Variants in ANKS1A observed in about 807,000 individuals in gnomAD.
ANKS1A encodes the protein ankyrin repeat and sterile alpha motif domain containing 1A.
Under a neutral mutation model 120.3 loss-of-function variants are expected in ANKS1A, and 55 were observed. The observed-to-expected ratio is 0.46, with a 90% CI of 0.37 to 0.57. The LOEUF is 0.57. Among genes scored for constraint, ANKS1A ranks in the 20% least tolerant of loss-of-function variants. The pLI is 0.00. For synonymous variants in ANKS1A, 590 were observed against 604.7 expected (o/e 0.98, Z 0.36); for missense variants, 1,123 against 1,480.3 (o/e 0.76, Z 3.96).
intron 3 of ANKS1A, among the ~76,000 whole-genome samples, chr6:34,979,546 C>G (rs1036197007): frequency 5.9e-5 from 9 of 151,624 alleles, no homozygotes; most frequent in African/African-American, 2.2e-4. Context: ...GTGAGAGCTG[C>G]TTTCATTCTG....
chr6:34,909,142 G>A (rs1767784455), intron 1 of ANKS1A, among the ~76,000 whole-genome samples: 1 of 152,032 alleles, frequency 6.6e-6, no homozygotes, highest in African/African-American at 2.4e-5. Context: ...TTTTGCCTGG[G>A]GACATGTTTC....
At chr6:34,992,744 T>C (rs549048500) in intron 9 of ANKS1A, among the ~76,000 whole-genome samples, 1 of 152,350 alleles carries the variant, frequency 6.6e-6, no homozygotes, top group Non-Finnish European at 1.5e-5. Flanking sequence ...TCCAGGTAGC[T>C]TGCTGTAAGT....
chr6:34,963,371 A>G (rs1770746135), intron 1 of ANKS1A, among the ~76,000 whole-genome samples: 1 of 152,160 alleles, frequency 6.6e-6, no homozygotes, highest in Non-Finnish European at 1.5e-5. Flanking sequence ...GAAATCATAC[A>G]GTATTTGTCT....
intron 11 of ANKS1A, among the ~76,000 whole-genome samples, chr6:35,027,945 G>A (rs576360123): frequency 2.0e-5 from 3 of 149,390 alleles, no homozygotes; most frequent in Non-Finnish European, 4.5e-5. Flanking sequence ...AGTCTCTGGC[G>A]CCACAGGGCC....
At chr6:34,917,062 C>T (rs561501717) in intron 1 of ANKS1A, among the ~76,000 whole-genome samples, 1 of 152,316 alleles carries the variant, frequency 6.6e-6, no homozygotes, top group African/African-American at 2.4e-5. Flanking sequence ...CTGGGCATCT[C>T]TCTTTTGGGG....
intron 1 of ANKS1A, among the ~76,000 whole-genome samples, chr6:34,956,423 G>C (rs1304596102): frequency 6.6e-6 from 1 of 151,732 alleles, no homozygotes; most frequent in African/African-American, 2.4e-5. Flanking sequence ...GCAATCCTTG[G>C]TTGTCACTTG....
In ANKS1A at chr6:35,080,989, C is replaced by T. The variant is rs1318996279; in HGVS notation, c.2545-5C>T. On this transcript the variant is annotated splice_region_variant and splice_polypyrimidine_tract_variant and intron_variant, in intron 16 of 23. Coordinates refer to ENST00000360359, the MANE Select transcript of ANKS1A (RefSeq NM_015245.3). ...CAAGTTCCACCTGGATTTTTCCCTC[C>T]ACAGTGCCAAGATTTGCTCTCCCAG... The T allele has an allele frequency of 2.5e-6, 4 of 1,611,384 alleles. No homozygotes were observed. The East Asian group carries it at 8.9e-5, about 36-fold the overall frequency.
chr6:35,073,430 C>T (rs1001189399), intron 13 of ANKS1A, among the ~76,000 whole-genome samples: 8 of 152,174 alleles, frequency 5.3e-5, no homozygotes, highest in Admixed American at 3.9e-4. Flanking sequence ...GGACACCTGC[C>T]GGCGATATGA....
Position 35,082,165 on chromosome 6 carries a change from C to T in ANKS1A, c.2710-526C>T, listed in dbSNP as rs376265573. On this transcript the variant is annotated intron_variant, in intron 17 of 23. Transcript: ENST00000360359. This position sits in a 1 kb window ranked among gnomAD's most constrained non-coding sequence, Gnocchi z 4.1. Reference sequence around the variant, plus strand: ...CCCTGGACAGGGACCCATGATCTCTCACCTGGACCGCAGTGGCCTCCCCCA... The same window carrying T: ...CCCTGGACAGGGACCCATGATCTCTTACCTGGACCGCAGTGGCCTCCCCCA... 2.6e-5 allele frequency among the ~76,000 whole-genome samples: 4 copies of T among 152,150 alleles called. No individual in the cohort carries two copies. The highest frequency in any genetic ancestry group is 1.9e-4 in the East Asian group (1 of 5,184).
intron 1 of ANKS1A, among the ~76,000 whole-genome samples, chr6:34,952,710 C>CTTTTTTTTTTTTTTTTTTTTTTTT (rs774626309): frequency 7.0e-6 from 1 of 142,288 alleles, no homozygotes. Context: ...TATTTAAGTT[C>CTTTTTTTTTTTTTTTTTTTTTTTT]TTTTTTTTTT....
chr6:34,967,192 T>G (rs2127508431), intron 1 of ANKS1A, 47 bp from the exon 2 acceptor site: 1 of 1,594,624 alleles, frequency 6.3e-7, no homozygotes, highest in Non-Finnish European at 8.6e-7. Context: ...GGTTTGTGAC[T>G]TCGGTCTGTG....
intron 9 of ANKS1A, among the ~76,000 whole-genome samples, chr6:34,991,683 C>CATAT (rs369789989): frequency 2.4e-4 from 7 of 28,604 alleles, no homozygotes; most frequent in African/African-American, 5.5e-4. Context: ...CATATATATA[C>CATAT]ATATATACAC....
At chr6:35,096,751 T>C in the ANKS1A span, among the ~76,000 whole-genome samples, 42 of 152,214 alleles carry the variant, frequency 2.8e-4, no homozygotes, top group African/African-American at 1.0e-3. Flanking sequence ...AGAAATGGAA[T>C]GGGATTCACA....
chr6:35,072,203 TGTGGGTCCTGCA>T (rs1354138473), intron 13 of ANKS1A, among the ~76,000 whole-genome samples: 1 of 152,204 alleles, frequency 6.6e-6, no homozygotes, highest in Non-Finnish European at 1.5e-5. Context: ...AAGAAAGCAG[TGTGGGTCCTGCA>T]GTAGCCCCTG....
intron 20 of ANKS1A, among the ~76,000 whole-genome samples, 195 bp downstream of exon 20, chr6:35,083,698 C>T (rs1190177640): frequency 1.3e-5 from 2 of 152,168 alleles, no homozygotes; most frequent in South Asian, 2.1e-4. Flanking sequence ...CTGTCAGCCC[C>T]GTCCCCGCCC....
rs74438255 is a variant in ANKS1A at position 34,957,849 on chromosome 6, C to T, written c.198-9390C>T. On this transcript the variant is annotated intron_variant, in intron 1 of 23. Coordinates refer to ENST00000360359, the MANE Select transcript of ANKS1A (RefSeq NM_015245.3). ...AGAGTCAGATGTGGAATTTTGTTTC[C>T]GTTCTCATGTAATCAACTATATGAC... Among the ~76,000 whole-genome samples the T allele has an allele frequency of 2.0e-3, 312 of 152,284 alleles. 1 individual carries two copies. The highest frequency in any genetic ancestry group is 7.1e-3 in the African/African-American group (294 of 41,556).
At chr6:35,010,455 A>G (rs1414246803) in intron 10 of ANKS1A, among the ~76,000 whole-genome samples, 1 of 152,196 alleles carries the variant, frequency 6.6e-6, no homozygotes, top group African/African-American at 2.4e-5. Context: ...GGAGAATGGC[A>G]CTTTAAAGAT....
intron 11 of ANKS1A, among the ~76,000 whole-genome samples, chr6:35,048,945 G>A (rs1056339101): frequency 3.3e-5 from 5 of 152,366 alleles, no homozygotes; most frequent in South Asian, 2.1e-4. Flanking sequence ...CTTTGCCCCC[G>A]TGCAGCAGGA....
intron 1 of ANKS1A, among the ~76,000 whole-genome samples, chr6:34,957,010 G>A (rs1267712672): frequency 2.0e-5 from 3 of 152,182 alleles, no homozygotes; most frequent in Non-Finnish European, 4.4e-5. Flanking sequence ...GCCTTCCCAA[G>A]GGTGCCTCTG....
Sources: gnomAD v4.1 joint callset for allele counts (sites outside exome capture counted in the v4.1 genomes callset) on GRCh38, gnomAD v4.1.1 for gene constraint, Gnocchi (gnomAD v3.1) non-coding constraint, MANE v1.5 for transcripts, NCBI Gene and HGNC (gene_info 2026-07-23, HGNC 2026-07-21) for gene names.